The following KCNU1 variants were observed in gnomAD, a reference collection of about 807,000 sequenced individuals.
KCNU1 encodes potassium calcium-activated channel subfamily U member 1.
A neutral mutation model predicts 126.8 loss-of-function variants in KCNU1; 93 were observed. The observed-to-expected ratio is 0.73, with a 90% CI of 0.62 to 0.87. KCNU1 has a LOEUF of 0.87. Among genes scored for constraint, KCNU1 ranks in the 40% least tolerant of loss-of-function variants. The pLI is 0.00. For missense variants in KCNU1, 1,330 were observed against 1,367.1 expected, an observed-to-expected ratio of 0.97 and a Z score of 0.43; for synonymous variants, 523 against 494.2, an observed-to-expected ratio of 1.06 and a Z score of -0.77.
chr8:36,840,587 G>A lies in KCNU1; in HGVS notation c.1631+12G>A. ...CCTGAAGTTGCCCGGTAAGTGAAGT[G>A]AAATACTTCCCTCATTCTTCAGACA... On this transcript the variant is annotated intron_variant, in intron 15 of 26. Coordinates refer to ENST00000399881, the MANE Select transcript of KCNU1 (RefSeq NM_001031836.3). 2 of 1,396,090 alleles carry A rather than the reference G, an allele frequency of 1.4e-6. No homozygotes were observed. Among genetic ancestry groups the A allele is most frequent in the Non-Finnish European group, 2.0e-6 (2 of 982,942 alleles). 86.5% of individuals were successfully genotyped at this position (1,396,090 alleles called of 1,614,324 possible).
At position 36,922,409 on chromosome 8, in the gene KCNU1, G is replaced by T. The variant is rs771040924; in HGVS notation, c.2597-81G>T. On this transcript the variant is annotated intron_variant, in intron 23 of 26. Transcript: ENST00000399881. ...CATCAGATCTTTTGATCAAGTGGTC[G>T]CCCCTTGGCCTGCATGGATGGCACT... 11 of 1,411,224 alleles carry T rather than the reference G, an allele frequency of 7.8e-6. No individual in the cohort carries two copies. In the African/African-American group the frequency reaches 1.3e-4, roughly 17 times the overall value. 87.4% of individuals were successfully genotyped at this position (1,411,224 alleles called of 1,614,324 possible).
At chr8:36,806,514 G>T in intron 5 of KCNU1, 134 bp downstream of exon 5, 2 of 586,798 alleles carry the variant, frequency 3.4e-6, no homozygotes, top group South Asian at 2.3e-5. Flanking sequence ...TTAATAGTAT[G>T]GTTTTGTCAT....
At chr8:36,921,834 C>T (rs1014340583) in intron 23 of KCNU1, among the ~76,000 whole-genome samples, 5 of 151,950 alleles carry the variant, frequency 3.3e-5, no homozygotes, top group African/African-American at 7.3e-5. Context: ...GCTGTACTGG[C>T]CTCAGTTAGG....
At chr8:36,804,168 A>C (rs12543523) in intron 3 of KCNU1, 80 bp downstream of exon 3, 153,215 of 869,334 alleles carry the variant, frequency 0.18, 14,745 homozygotes, top group Admixed American at 0.34. Context: ...CTCAGGAATA[A>C]TGCTTAATAT....
At chr8:36,841,030 AGTTG>A in intron 16 of KCNU1, 27 bp downstream of exon 16, 2 of 816,192 alleles carry the variant, frequency 2.5e-6, no homozygotes, top group African/African-American at 1.9e-5. Flanking sequence ...TCATCTCTTC[AGTTG>A]TTTTTTTTTT....
chr8:36,792,636 T>A (rs1221885352), intron 2 of KCNU1, among the ~76,000 whole-genome samples: 1 of 152,198 alleles, frequency 6.6e-6, no homozygotes, highest in Non-Finnish European at 1.5e-5. Flanking sequence ...TACCTGCTTT[T>A]TAAATGAGGA....
intron 10 of KCNU1, among the ~76,000 whole-genome samples, chr8:36,819,442 C>A (rs1585412929): frequency 2.0e-5 from 3 of 152,216 alleles, no homozygotes; most frequent in Admixed American, 2.0e-4. Context: ...ATACTCCTGT[C>A]CCCCTCAATC....
At chr8:36,879,211 G>GTGTATA (rs541223094) in intron 19 of KCNU1, among the ~76,000 whole-genome samples, 254 of 101,756 alleles carry the variant, frequency 2.5e-3, no homozygotes, top group East Asian at 7.5e-3. Context: ...GTGTGTGTGT[G>GTGTATA]TATATATATA....
chr8:36,906,105 G>A (rs1414355826), intron 20 of KCNU1, among the ~76,000 whole-genome samples: 1 of 150,936 alleles, frequency 6.6e-6, no homozygotes, highest in Non-Finnish European at 1.5e-5. Flanking sequence ...TTCTCCTGAA[G>A]TTTTGCTGTT....
Position 36,935,884 on chromosome 8 carries a change from T to C in KCNU1, c.3414T>C (p.Tyr1138=), listed in dbSNP as rs1808841891. 5 of 1,607,792 alleles carry C rather than the reference T, an allele frequency of 3.1e-6. No homozygotes were observed. The highest frequency in any genetic ancestry group is 4.2e-6 in the Non-Finnish European group (5 of 1,176,960). ...AAAGGAAAACTTCAGATGAGGTTTA[T>C]GATGAGGATCCCTTTGCATATTCAG... ...ENERKTSDEV[Y]DEDPFAYSEP... is the part of the protein sequence containing the mutation. Residue 1138 remains tyrosine (Y), a synonymous_variant, in exon 27 of 27, where the codon TAT becomes TAC. Transcript: ENST00000399881.
At chr8:36,883,394 G>A (rs1282290512) in intron 19 of KCNU1, among the ~76,000 whole-genome samples, 2 of 152,154 alleles carry the variant, frequency 1.3e-5, no homozygotes, top group Non-Finnish European at 2.9e-5. Flanking sequence ...TCTAAGCTTT[G>A]AACTTTATCA....
intron 22 of KCNU1, 147 bp from the exon 23 acceptor site, chr8:36,918,676 T>C: frequency 1.6e-6 from 1 of 622,458 alleles, no homozygotes; most frequent in Non-Finnish European, 2.9e-6. Flanking sequence ...AACAATTTTT[T>C]GTCTAAACAT....
intron 10 of KCNU1, among the ~76,000 whole-genome samples, chr8:36,821,832 C>T (rs1804138717): frequency 7.4e-6 from 1 of 134,894 alleles, no homozygotes; most frequent in Admixed American, 7.8e-5. Flanking sequence ...AGATACTCAA[C>T]ACTATTATAA....
intron 22 of KCNU1, among the ~76,000 whole-genome samples, chr8:36,912,867 C>T (rs546971647): frequency 7.3e-6 from 1 of 136,834 alleles, no homozygotes; most frequent in African/African-American, 2.7e-5. Context: ...ACTCGGGAGG[C>T]TGAGGCATGA....
In KCNU1 at chr8:36,812,163, C is replaced by T. The variant is rs544612256; in HGVS notation, c.733-2044C>T. 6.0e-5 allele frequency among the ~76,000 whole-genome samples: 9 copies of T among 151,118 alleles called. No homozygotes were observed. The East Asian group carries it at 7.9e-4, about 13-fold the overall frequency. Reference sequence around the variant, plus strand: ...GGAGGCCAAGGAGGGGCGGATCTCCCGAGGTTGGGAGTTCGAGACCAGCCT... The same window carrying T: ...GGAGGCCAAGGAGGGGCGGATCTCCTGAGGTTGGGAGTTCGAGACCAGCCT... On this transcript the variant is annotated intron_variant, in intron 7 of 26. Coordinates refer to ENST00000399881, the MANE Select transcript of KCNU1 (RefSeq NM_001031836.3).
chr8:36,804,835 C>T (rs1205847635), intron 3 of KCNU1, among the ~76,000 whole-genome samples: 1 of 152,046 alleles, frequency 6.6e-6, no homozygotes, highest in East Asian at 1.9e-4. Flanking sequence ...ATCTCTGTAT[C>T]AGAAGAGAAT....
At chr8:36,814,876 C>T (rs1405593416) in intron 8 of KCNU1, among the ~76,000 whole-genome samples, 2 of 152,178 alleles carry the variant, frequency 1.3e-5, no homozygotes, top group African/African-American at 2.4e-5. Context: ...TCCTTAAAAA[C>T]CACAACAGAG....
intron 20 of KCNU1, 134 bp from the exon 21 acceptor site, chr8:36,909,177 C>A: frequency 1.6e-6 from 1 of 644,970 alleles, no homozygotes; most frequent in Non-Finnish European, 2.8e-6. Flanking sequence ...AAACAATTTG[C>A]AAAATTCTAT....
At chr8:36,908,266 T>A (rs574729060) in intron 20 of KCNU1, among the ~76,000 whole-genome samples, 1 of 152,216 alleles carries the variant, frequency 6.6e-6, no homozygotes, top group Non-Finnish European at 1.5e-5. Context: ...AACTTAAGTA[T>A]ATTCCATGCA....
Sources: gnomAD v4.1 joint callset for allele counts (sites outside exome capture counted in the v4.1 genomes callset) on GRCh38, gnomAD v4.1.1 for gene constraint, MANE v1.5 for transcripts, NCBI Gene and HGNC (gene_info 2026-07-23, HGNC 2026-07-21) for gene names.